Variants in AGBL1 observed in about 807,000 individuals in gnomAD.
AGBL1 encodes the protein cytosolic carboxypeptidase 4.
Under a neutral mutation model 118.9 loss-of-function variants are expected in AGBL1, and 130 were observed. That is an observed-to-expected ratio of 1.09 (90% CI 0.95 to 1.26). The LOEUF (loss-of-function observed/expected upper bound fraction) is 1.26, where lower values mean the gene tolerates loss of function less well. AGBL1 is among the 50% of genes most tolerant of loss of function. AGBL1 has a pLI of 0.00. For missense variants in AGBL1, 1,584 were observed against 1,298.1 expected (o/e 1.22, Z -3.38); for synonymous variants, 555 against 478.9 (o/e 1.16, Z -2.08).
At chr15:86,824,790 C>T (rs186861942) in intron 22 of AGBL1, among the ~76,000 whole-genome samples, 2 of 151,860 alleles carry the variant, frequency 1.3e-5, no homozygotes, top group African/African-American at 2.4e-5. Flanking sequence ...TGGTATGGTG[C>T]CTTACACCTA....
chr15:87,006,042 C>A (rs986293082), intron 24 of AGBL1, among the ~76,000 whole-genome samples: 3 of 152,228 alleles, frequency 2.0e-5, no homozygotes, highest in Non-Finnish European at 2.9e-5. Context: ...GCTGTCTGAT[C>A]TTTCCTCTGG....
chr15:86,748,596 C>T (rs2077795957), intron 22 of AGBL1, among the ~76,000 whole-genome samples: 1 of 123,754 alleles, frequency 8.1e-6, no homozygotes, highest in Non-Finnish European at 1.6e-5. Context: ...ATGCCTATGT[C>T]CTGAATGGTA....
chr15:86,526,550 A>ATATG lies in AGBL1; in HGVS notation c.2685+3614_2685+3615insGTAT, dbSNP rs1567040585. On this transcript the variant is annotated intron_variant, in intron 19 of 22. Transcript: ENST00000614907. ...CAGATATGTTTGTGTCTGTGTATATATATATATATATATATATATATATAC... is the reference window on the plus strand; with the variant it reads ...CAGATATGTTTGTGTCTGTGTATATATATGTATATATATATATATATATATATAC... Among the ~76,000 whole-genome samples the ATATG allele has an allele frequency of 2.8e-4, 38 of 135,432 alleles. 2 individuals carry two copies. The highest frequency in any genetic ancestry group is 1.4e-3 in the South Asian group (6 of 4,280). 88.8% of individuals were successfully genotyped at this position (135,432 alleles called of 152,430 possible).
intron 5 of AGBL1, among the ~76,000 whole-genome samples, chr15:86,200,994 A>C (rs896640624): frequency 1.3e-5 from 2 of 152,196 alleles, no homozygotes; most frequent in Non-Finnish European, 2.9e-5. Context: ...TCATACAGTA[A>C]AAGTACAAGG....
chr15:86,557,508 G>A (rs1236010420), intron 21 of AGBL1, among the ~76,000 whole-genome samples: 3 of 152,190 alleles, frequency 2.0e-5, no homozygotes, highest in Admixed American at 2.0e-4. Context: ...ACAGAAGATG[G>A]TAACTCAGCT....
At chr15:86,295,797 T>A (rs986607327) in intron 17 of AGBL1, 2 of 157,916 alleles carry the variant, frequency 1.3e-5, no homozygotes, top group Admixed American at 6.1e-5. Context: ...GAAAGTTGAG[T>A]TTTTAAGCCC....
chr15:86,381,060 T>A (rs2081107956), intron 17 of AGBL1, among the ~76,000 whole-genome samples: 1 of 152,234 alleles, frequency 6.6e-6, no homozygotes, highest in Non-Finnish European at 1.5e-5. Flanking sequence ...TGAGGTACTT[T>A]AAGAATTGGA....
chr15:86,621,853 A>G (rs890798153), intron 21 of AGBL1, among the ~76,000 whole-genome samples: 2 of 152,248 alleles, frequency 1.3e-5, no homozygotes, highest in Non-Finnish European at 2.9e-5. Flanking sequence ...TGATCAATGA[A>G]TATTAATTCC....
At chr15:86,646,377 G>T (rs1027863939) in intron 21 of AGBL1, among the ~76,000 whole-genome samples, 2 of 152,172 alleles carry the variant, frequency 1.3e-5, no homozygotes, top group Non-Finnish European at 2.9e-5. Flanking sequence ...TTAGACCCTA[G>T]ACAGTCCTTC....
At chr15:86,547,155 G>A (rs1297026295) in intron 20 of AGBL1, among the ~76,000 whole-genome samples, 1 of 152,098 alleles carries the variant, frequency 6.6e-6, no homozygotes, top group East Asian at 1.9e-4. Context: ...TTTGCTGTAA[G>A]GCTCAACCAG....
chr15:86,177,951 A>T (rs2120644), intron 5 of AGBL1, among the ~76,000 whole-genome samples: 69,607 of 151,966 alleles, frequency 0.46, 16,268 homozygotes, highest in African/African-American at 0.49. Flanking sequence ...AAATAAATAA[A>T]ATTACAAATA....
intron 1 of AGBL1, among the ~76,000 whole-genome samples, chr15:86,091,989 A>C (rs546260710): frequency 6.6e-6 from 1 of 152,296 alleles, no homozygotes; most frequent in African/African-American, 2.4e-5. Context: ...TCTCTTCTCC[A>C]AAGTTGCACC....
In AGBL1 at chr15:86,887,321, ACT is replaced by A. The variant is rs370039865; in HGVS notation, c.3159-19763_3159-19762del. ...GATCTATCTTGGCTGTTACTTTTAA[ACT>A]CTTCCTATTATAGACCTCAATTCTA... is the stretch of plus-strand genomic sequence containing the variant. On this transcript the variant is annotated intron_variant, in intron 22 of 22. Transcript: ENST00000614907. 2.5e-4 allele frequency among the ~76,000 whole-genome samples: 38 copies of A among 151,978 alleles called. No individual in the cohort carries two copies. The East Asian group carries it at 7.0e-3, about 28-fold the overall frequency.
At chr15:86,147,845 C>T (rs1310865558) in intron 3 of AGBL1, among the ~76,000 whole-genome samples, 7 of 152,212 alleles carry the variant, frequency 4.6e-5, no homozygotes, top group Non-Finnish European at 8.8e-5. Flanking sequence ...CTGGGAGACA[C>T]CTCCCAGTAG....
At chr15:86,728,424 C>A (rs888230169) in intron 22 of AGBL1, among the ~76,000 whole-genome samples, 1 of 152,158 alleles carries the variant, frequency 6.6e-6, no homozygotes, top group South Asian at 2.1e-4. Context: ...TCCACAACTG[C>A]CCAGGCTTAG....
rs1596730063 is a variant in AGBL1, at chr15:87,004,057, T to C, written c.3323+15969T>C. On this transcript the variant is annotated intron_variant, in intron 24 of 24. Coordinates refer to the AGBL1 transcript ENST00000441037. Reference sequence around the variant, plus strand: ...TCTCTAGTTCTTTCAATTGTGATGTTAGGGTATCAATTTTAGATCTTTCCT... The same window carrying C: ...TCTCTAGTTCTTTCAATTGTGATGTCAGGGTATCAATTTTAGATCTTTCCT... 4.6e-5 allele frequency among the ~76,000 whole-genome samples: 7 copies of C among 152,330 alleles called. No homozygotes were observed. In the South Asian group the frequency reaches 1.4e-3, roughly 32 times the overall value.
rs184308527 is a variant in AGBL1, at chr15:86,123,105, A to G, written c.52-18899A>G. 9.8e-4 allele frequency among the ~76,000 whole-genome samples: 149 copies of G among 152,328 alleles called. 1 individual carries two copies. The highest frequency in any genetic ancestry group is 7.8e-3 in the Admixed American group (120 of 15,292). ...ATAGAGAATCTCTATTCCTTTCTAGATCTTTTCCCTGCTCCAGGAGAGAAT... is the reference window on the plus strand; with the variant it reads ...ATAGAGAATCTCTATTCCTTTCTAGGTCTTTTCCCTGCTCCAGGAGAGAAT... On this transcript the variant is annotated intron_variant, in intron 1 of 22. Transcript: ENST00000614907.
rs1440227065 is a variant in AGBL1, at chr15:86,433,263, CTTCTTTTTTTTTTTTTTT to C, written c.2555+35720_2555+35737del. 1.7e-3 allele frequency among the ~76,000 whole-genome samples: 91 copies of C among 54,978 alleles called. 1 individual carries two copies. The highest frequency in any genetic ancestry group is 6.2e-3 in the African/African-American group (77 of 12,374). 36.1% of individuals were successfully genotyped at this position (54,978 alleles called of 152,430 possible). Reference sequence around the variant, plus strand: ...CCTTCTCCTCCTCCTCCTCCTCCTTCTTCTTTTTTTTTTTTTTTTTTTTTTTTTTTGCCATTGGCCACA... The same window carrying C: ...CCTTCTCCTCCTCCTCCTCCTCCTTCTTTTTTTTTTTTGCCATTGGCCACA... On this transcript the variant is annotated intron_variant, in intron 18 of 22. Coordinates refer to ENST00000614907, the MANE Select transcript of AGBL1 (RefSeq NM_001386094.1).
chr15:86,805,505 A>G (rs1486448962), intron 22 of AGBL1, among the ~76,000 whole-genome samples: 1 of 152,132 alleles, frequency 6.6e-6, no homozygotes, highest in East Asian at 1.9e-4. Flanking sequence ...AAAAATGTGT[A>G]GGGCTCTGTG....
Sources: allele counts gnomAD v4.1 joint callset (sites outside exome capture counted in the v4.1 genomes callset), GRCh38; gene constraint gnomAD v4.1.1; transcripts MANE v1.5; gene names NCBI Gene and HGNC (gene_info 2026-07-23, HGNC 2026-07-21).